The following KLHL2 variants were observed in gnomAD, a reference collection of about 807,000 sequenced individuals.
KLHL2 encodes kelch like family member 2, also known as kelch-like protein 2.
A neutral mutation model predicts 75.8 loss-of-function variants in KLHL2; 15 were observed. That is an observed-to-expected ratio of 0.20 (90% CI 0.13 to 0.30). The LOEUF is 0.30. KLHL2 is among the 10% of genes least tolerant of loss of function. The probability of loss-of-function intolerance (pLI) is 1.00; values close to 1 mark genes in which losing one functional copy is unlikely to be tolerated. For missense variants in KLHL2, 381 were observed against 741.0 expected, an observed-to-expected ratio of 0.51 and a Z score of 5.64; for synonymous variants, 214 against 251.9, an observed-to-expected ratio of 0.85 and a Z score of 1.42.
intron 5 of KLHL2, among the ~76,000 whole-genome samples, chr4:165,274,642 A>G (rs1168561045): frequency 6.6e-6 from 1 of 151,338 alleles, no homozygotes; most frequent in African/African-American, 2.4e-5. Flanking sequence ...AGCACTCTCT[A>G]TCCTTTGAAA....
chr4:165,295,522 A>G (rs1010374149), intron 6 of KLHL2, among the ~76,000 whole-genome samples: 2 of 152,214 alleles, frequency 1.3e-5, no homozygotes, highest in Non-Finnish European at 1.5e-5. Flanking sequence ...TTTGTTACTC[A>G]TAGACTAGTG....
Position 165,310,693 on chromosome 4 carries a change from G to C in KLHL2, c.1180G>C (p.Gly394Arg). The change falls in exon 10 of 15, where the codon GGA becomes CGA. Residue 394 changes from glycine to arginine, a missense_variant. Physicochemically the swap from Gly to Arg is moderately radical, Grantham distance 125. Coordinates refer to ENST00000226725, the MANE Select transcript of KLHL2 (RefSeq NM_007246.4). ...ANMRDRRSTLGAAVLNGLLYA... is the reference protein window; with the variant it reads ...ANMRDRRSTLRAAVLNGLLYA... ...CATGAGAGACCGGAGAAGCACTTTG[G>C]GAGCTGCTGTGTTAAATGGATTATT... 1 of 1,614,076 alleles carries C rather than the reference G, an allele frequency of 6.2e-7. No individual in the cohort carries two copies. The highest frequency in any genetic ancestry group is 8.5e-7 in the Non-Finnish European group (1 of 1,179,994).
intron 4 of KLHL2, among the ~76,000 whole-genome samples, chr4:165,261,567 G>C (rs1349423510): frequency 6.6e-6 from 1 of 152,122 alleles, no homozygotes; most frequent in Non-Finnish European, 1.5e-5. Context: ...TCAAACTCCT[G>C]ACCTCAAGTG....
intron 2 of KLHL2, among the ~76,000 whole-genome samples, chr4:165,227,786 C>T (rs112744285): frequency 0.041 from 4,056 of 99,568 alleles, no homozygotes; most frequent in East Asian, 0.077. Flanking sequence ...TGGCACCACG[C>T]ATTGCATGTC....
intron 6 of KLHL2, among the ~76,000 whole-genome samples, chr4:165,297,153 T>C (rs1237098309): frequency 1.3e-5 from 2 of 152,198 alleles, no homozygotes; most frequent in African/African-American, 4.8e-5. Flanking sequence ...TATTAGCTTA[T>C]TAGCTTTCTC....
At chr4:165,287,706 G>A (rs1163478187) in intron 5 of KLHL2, among the ~76,000 whole-genome samples, 1 of 152,158 alleles carries the variant, frequency 6.6e-6, no homozygotes, top group Non-Finnish European at 1.5e-5. Flanking sequence ...CCTAATGGGT[G>A]TGGGGTAATA....
At chr4:165,256,835 G>A (rs1173259779) in intron 4 of KLHL2, among the ~76,000 whole-genome samples, 1 of 152,092 alleles carries the variant, frequency 6.6e-6, no homozygotes, top group African/African-American at 2.4e-5. Flanking sequence ...CTCTAATACT[G>A]TTTGTTGTTA....
intron 5 of KLHL2, among the ~76,000 whole-genome samples, chr4:165,274,672 C>T (rs1431958820): frequency 1.3e-5 from 2 of 151,564 alleles, no homozygotes; most frequent in South Asian, 4.2e-4. Context: ...AGATTCTGGA[C>T]GTAAGAACTG....
At chr4:165,245,715 C>T (rs1016067218) in intron 4 of KLHL2, among the ~76,000 whole-genome samples, 28 of 152,124 alleles carry the variant, frequency 1.8e-4, no homozygotes, top group Middle Eastern at 3.4e-3. Flanking sequence ...AGTTTAGGAC[C>T]GAATTGAACT....
At chr4:165,258,585 C>G (rs1741394088) in intron 4 of KLHL2, among the ~76,000 whole-genome samples, 1 of 152,134 alleles carries the variant, frequency 6.6e-6, no homozygotes, top group Admixed American at 6.5e-5. Flanking sequence ...CTTCAGAGAG[C>G]TCAGAAAATA....
intron 4 of KLHL2, among the ~76,000 whole-genome samples, chr4:165,248,936 G>T (rs769230806): frequency 6.6e-6 from 1 of 152,152 alleles, no homozygotes; most frequent in Non-Finnish European, 1.5e-5. Context: ...TGTTATTTGT[G>T]TATATATTTT....
At chr4:165,210,136 G>A in intron 1 of KLHL2, 1 of 1,551,744 alleles carries the variant, frequency 6.4e-7, no homozygotes, top group Non-Finnish European at 8.7e-7. Context: ...TGGACTTAAA[G>A]TGCCTTATGG....
Position 165,283,453 on chromosome 4 carries a change from C to CT in KLHL2, c.545-10905dup, listed in dbSNP as rs200566033. 9.6e-3 allele frequency among the ~76,000 whole-genome samples: 1,470 copies of CT among 152,332 alleles called. 21 individuals are homozygous for CT. Among genetic ancestry groups the CT allele is most frequent in the African/African-American group, 0.032 (1,313 of 41,574 alleles). Reference sequence around the variant, plus strand: ...GGAGAAATTGGCCAAAACAAAGGGGCTACTGGCCCCATGCAAGTCTGAAAT... The same window carrying CT: ...GGAGAAATTGGCCAAAACAAAGGGGCTTACTGGCCCCATGCAAGTCTGAAAT... On this transcript the variant is annotated intron_variant, in intron 5 of 14. Transcript: ENST00000226725.
chr4:165,306,084 A>G (rs916348988), intron 9 of KLHL2, among the ~76,000 whole-genome samples: 5 of 152,234 alleles, frequency 3.3e-5, no homozygotes, highest in Admixed American at 6.5e-5. Context: ...CCTCAGTTAT[A>G]AGGCATAATT....
In KLHL2 at chr4:165,209,999, A is replaced by G. The variant is rs1425636692; in HGVS notation, c.26+2097A>G. On this transcript the variant is annotated intron_variant, in intron 1 of 14. Coordinates refer to ENST00000226725, the MANE Select transcript of KLHL2 (RefSeq NM_007246.4). ...GAGACTTGCAGGCAGTGTCTTTAGG[A>G]AGGAACTTTACCGGGCCTCACTGCC... 7 of 1,500,614 alleles carry G rather than the reference A, an allele frequency of 4.7e-6. No homozygotes were observed. In the African/African-American group the frequency reaches 5.6e-5, roughly 12 times the overall value. The allele number at this position is 1,500,614 out of a possible 1,614,324, so 93.0% of individuals were successfully genotyped here. A position where few individuals can be genotyped will look rare whatever the true frequency, so the allele number is the denominator to read the frequency against.
intron 5 of KLHL2, among the ~76,000 whole-genome samples, chr4:165,286,838 A>C (rs1744131677): frequency 6.6e-6 from 1 of 152,168 alleles, no homozygotes; most frequent in African/African-American, 2.4e-5. Context: ...TGTCCACTGA[A>C]GTCAAGACAG....
At chr4:165,301,154 T>TA (rs1745321188) in intron 8 of KLHL2, among the ~76,000 whole-genome samples, 1 of 152,240 alleles carries the variant, frequency 6.6e-6, no homozygotes, top group Non-Finnish European at 1.5e-5. Context: ...TCTATATGAT[T>TA]ATTATCTAAG....
chr4:165,251,623 T>G lies in KLHL2; in HGVS notation c.382-11574T>G, dbSNP rs554079642. ...AGTGGTTTTTTTTTTTTGTTTTTTTTTTTTGAGACGGAGTCTCGCTCTGTC... is the reference window on the plus strand; with the variant it reads ...AGTGGTTTTTTTTTTTTGTTTTTTTGTTTTGAGACGGAGTCTCGCTCTGTC... On this transcript the variant is annotated intron_variant, in intron 4 of 14. Coordinates refer to ENST00000226725, the MANE Select transcript of KLHL2 (RefSeq NM_007246.4). 3.3e-5 allele frequency among the ~76,000 whole-genome samples: 5 copies of G among 149,920 alleles called. No individual in the cohort carries two copies. The South Asian group carries it at 1.1e-3, about 32-fold the overall frequency.
intron 3 of KLHL2, among the ~76,000 whole-genome samples, chr4:165,235,876 A>G (rs972831626): frequency 6.6e-6 from 1 of 152,236 alleles, no homozygotes; most frequent in Non-Finnish European, 1.5e-5. Flanking sequence ...GAAAACAACA[A>G]ACAGCTTCTC....
Sources: gnomAD v4.1 joint callset for allele counts (sites outside exome capture counted in the v4.1 genomes callset) on GRCh38, gnomAD v4.1.1 for gene constraint, MANE v1.5 for transcripts, NCBI Gene and HGNC (gene_info 2026-07-23, HGNC 2026-07-21) for gene names.